The following DISP1 variants were observed in gnomAD, a reference collection of about 807,000 sequenced individuals.
DISP1 encodes the protein protein dispatched homolog 1.
A neutral mutation model predicts 37.3 loss-of-function variants in DISP1; 30 were observed. The ratio of observed to expected loss-of-function variants is 0.80; its 90% CI spans 0.60 to 1.09. The LOEUF is 1.09. Among genes scored for constraint, DISP1 ranks in the 50% least tolerant of loss-of-function variants. The pLI, the probability that DISP1 is intolerant of heterozygous loss-of-function variation, is 0.00. For synonymous variants in DISP1, 634 were observed against 690.2 expected, an observed-to-expected ratio of 0.92 and a Z score of 1.28; for missense variants, 1,598 against 1,879.5, an observed-to-expected ratio of 0.85 and a Z score of 2.77.
intron 1 of DISP1, among the ~76,000 whole-genome samples, chr1:222,863,988 A>G (rs951181949): frequency 7.2e-5 from 11 of 152,234 alleles, no homozygotes; most frequent in African/African-American, 2.7e-4. Context: ...TTTTAAAACC[A>G]AGATTTAAGT....
At chr1:222,860,206 C>T (rs1668800393) in intron 1 of DISP1, among the ~76,000 whole-genome samples, 2 of 152,128 alleles carry the variant, frequency 1.3e-5, no homozygotes, top group African/African-American at 4.8e-5. Flanking sequence ...AGGCATGTGC[C>T]ACCAGGCCCG....
At chr1:222,989,663 G>A (rs1678541153) in intron 4 of DISP1, 2 of 685,060 alleles carry the variant, frequency 2.9e-6, no homozygotes, top group African/African-American at 1.9e-5. Flanking sequence ...TCAGATGTTT[G>A]TTCATTTAGT....
intron 1 of DISP1, among the ~76,000 whole-genome samples, chr1:222,906,224 G>A (rs1393349717): frequency 6.6e-6 from 1 of 152,076 alleles, no homozygotes; most frequent in East Asian, 1.9e-4. Context: ...CTCTAAAATG[G>A]ATACTAAGTT....
chr1:222,869,941 C>T (rs1305283181), intron 1 of DISP1, among the ~76,000 whole-genome samples: 2 of 151,836 alleles, frequency 1.3e-5, no homozygotes, highest in African/African-American at 4.8e-5. Flanking sequence ...CCTCCCCTCT[C>T]CCCCCACCCC....
intron 1 of DISP1, among the ~76,000 whole-genome samples, chr1:222,895,759 A>G (rs1671214564): frequency 6.6e-6 from 1 of 152,176 alleles, no homozygotes; most frequent in Non-Finnish European, 1.5e-5. Flanking sequence ...TTGCAGGTGG[A>G]GAGGGAAAAC....
intron 3 of DISP1, among the ~76,000 whole-genome samples, chr1:222,959,406 C>A (rs73130615): frequency 0.067 from 10,208 of 151,928 alleles, 1,154 homozygotes; most frequent in African/African-American, 0.23. Flanking sequence ...CTAAGCTTTG[C>A]AAAATTACTG....
chr1:222,990,705 G>C lies in DISP1; in HGVS notation c.620G>C (p.Gly207Ala). Residue 207 changes from glycine (G) to alanine (A), a missense_variant, in exon 5 of 9, where the codon GGA becomes GCA. Gly to Ala is a moderately conservative substitution (Grantham distance 60). Coordinates refer to ENST00000675850, the MANE Select transcript of DISP1 (RefSeq NM_001377229.1). ...TTCATCGTAGTCTGTGCCTTGGTTG[G>C]AGTATTAGTGCCAGAGCTCCCTGAC... ...TMFIVVCALV[G>A]VLVPELPDFS... The C allele has an allele frequency of 6.2e-7, 1 of 1,614,122 alleles. No individual in the cohort carries two copies. The highest frequency in any genetic ancestry group is 2.2e-5 in the East Asian group (1 of 44,884).
chr1:222,819,879 A>AT (rs1662371616), intron 1 of DISP1, among the ~76,000 whole-genome samples: 2 of 146,326 alleles, frequency 1.4e-5, no homozygotes, highest in Admixed American at 6.7e-5. Flanking sequence ...AGGTGTTTAA[A>AT]ATTTTTTTTT....
intron 3 of DISP1, 143 bp from the exon 4 acceptor site, chr1:222,982,937 C>A: frequency 1.6e-6 from 1 of 632,210 alleles, no homozygotes; most frequent in Non-Finnish European, 2.7e-6. Context: ...AAATAGATTG[C>A]CTTTTTTTTT....
intron 1 of DISP1, among the ~76,000 whole-genome samples, chr1:222,876,782 AATG>A (rs1380313619): frequency 1.3e-5 from 2 of 152,224 alleles, no homozygotes; most frequent in African/African-American, 4.8e-5. Context: ...AATTTGGGAT[AATG>A]ATAACCTCTT....
At chr1:222,936,957 TATTATTTATAA>T in intron 2 of DISP1, among the ~76,000 whole-genome samples, 2 of 101,352 alleles carry the variant, frequency 2.0e-5, no homozygotes, top group African/African-American at 7.8e-5. Context: ...TTACATATTA[TATTATTTATAA>T]ATAATATTTT....
chr1:222,938,172 C>T (rs984168853), intron 2 of DISP1, among the ~76,000 whole-genome samples: 2 of 152,156 alleles, frequency 1.3e-5, no homozygotes, highest in Non-Finnish European at 2.9e-5. Context: ...TGTGCCCAGT[C>T]TCAACATAGC....
At chr1:222,952,105 G>A (rs967360247) in intron 3 of DISP1, among the ~76,000 whole-genome samples, 3 of 152,010 alleles carry the variant, frequency 2.0e-5, no homozygotes, top group African/African-American at 7.2e-5. Context: ...TATATAAATT[G>A]TTGACTCTCT....
At chr1:222,986,187 C>T (rs1051775480) in intron 4 of DISP1, among the ~76,000 whole-genome samples, 1 of 151,614 alleles carries the variant, frequency 6.6e-6, no homozygotes, top group Non-Finnish European at 1.5e-5. Flanking sequence ...ATCCGGTGGT[C>T]GGTGAGGAAA....
rs923099188 is a variant in DISP1, at chr1:222,928,568, A to C, written c.-20A>C. The C allele has an allele frequency of 2.6e-5, 4 of 152,162 alleles. No individual in the cohort carries two copies. Among genetic ancestry groups the C allele is most frequent in the African/African-American group, 9.7e-5 (4 of 41,436 alleles). 9.4% of individuals were successfully genotyped at this position (152,162 alleles called of 1,614,324 possible). On this transcript the variant is annotated splice_region_variant and 5_prime_UTR_variant, in exon 2 of 9. Coordinates refer to ENST00000675850, the MANE Select transcript of DISP1 (RefSeq NM_001377229.1). ...CAGAGAAGTTCCCTCTTTTAACATA[A>C]AGGTAATACATTTTCTCTTGCTGTG...
At chr1:222,860,761 T>C (rs967724585) in intron 1 of DISP1, among the ~76,000 whole-genome samples, 3 of 152,114 alleles carry the variant, frequency 2.0e-5, no homozygotes, top group South Asian at 2.1e-4. Flanking sequence ...AGCGTGTGCC[T>C]GTAGTCCCAG....
Position 222,943,286 on chromosome 1 carries a change from G to C in DISP1, c.463G>C (p.Asp155His). ...CTTCTGCCTGCATCATCCGTGGCCT[G>C]ACCATTTTCAGCATCAGCCTGTGCA... ...PSFCLHHPWP[D>H]HFQHQPVQQH... Residue 155 changes from aspartate (D) to histidine (H), a missense_variant, in exon 3 of 9, where the codon GAC becomes CAC. By Grantham distance (81) the Asp-to-His change is moderately conservative. Transcript: ENST00000675850. 1 of 1,614,166 alleles carries C rather than the reference G, an allele frequency of 6.2e-7. No individual in the cohort carries two copies. The highest frequency in any genetic ancestry group is 8.5e-7 in the Non-Finnish European group (1 of 1,180,034).
chr1:222,995,076 A>G, intron 8 of DISP1, 94 bp downstream of exon 8: 1 of 1,038,854 alleles, frequency 9.6e-7, no homozygotes. Flanking sequence ...GATCAGATGA[A>G]AGTACTTCAG....
intron 1 of DISP1, among the ~76,000 whole-genome samples, chr1:222,816,470 T>G (rs1013462882): frequency 1.3e-5 from 2 of 152,216 alleles, no homozygotes; most frequent in African/African-American, 2.4e-5. Context: ...TTTGCTTGTT[T>G]CAGGTGTTTC....
Sources: allele counts gnomAD v4.1 joint callset (sites outside exome capture counted in the v4.1 genomes callset), GRCh38; gene constraint gnomAD v4.1.1; transcripts MANE v1.5; gene names NCBI Gene and HGNC (gene_info 2026-07-23, HGNC 2026-07-21).